Variants in CNOT1 observed in about 807,000 individuals in gnomAD.
CNOT1 encodes CCR4-associated factor 1.
In CNOT1, 15 loss-of-function variants were observed where a neutral mutation model predicts 273.8. That is an observed-to-expected ratio of 0.05 (90% CI 0.04 to 0.08). The LOEUF (loss-of-function observed/expected upper bound fraction) is 0.08, where lower values mean the gene tolerates loss of function less well. Among genes scored for constraint, CNOT1 ranks in the 10% least tolerant of loss-of-function variants. CNOT1 has a pLI of 1.00. For missense variants in CNOT1, 1,644 were observed against 2,912.2 expected, an observed-to-expected ratio of 0.56 and a Z score of 10.02; for synonymous variants, 1,022 against 1,005.5, an observed-to-expected ratio of 1.02 and a Z score of -0.31.
intron 22 of CNOT1, 31 bp downstream of exon 22, chr16:58,553,751 T>A: frequency 6.2e-7 from 1 of 1,601,750 alleles, no homozygotes; most frequent in Non-Finnish European, 8.5e-7. Flanking sequence ...ACTACATAGC[T>A]ATTTGGGTTT....
intron 1 of CNOT1, among the ~76,000 whole-genome samples, chr16:58,625,300 G>C (rs1363373028): frequency 7.2e-5 from 11 of 151,800 alleles, no homozygotes; most frequent in Non-Finnish European, 1.3e-4. Flanking sequence ...ATCACCTGAG[G>C]TCAGGAGTTC....
chr16:58,599,915 T>C (rs2042401763), intron 1 of CNOT1, among the ~76,000 whole-genome samples: 1 of 150,842 alleles, frequency 6.6e-6, no homozygotes, highest in Non-Finnish European at 1.5e-5. Context: ...ATACAAAAAT[T>C]AGCCAGGCAT....
chr16:58,547,340 CA>C lies in CNOT1; in HGVS notation c.3640-45del. Reference sequence around the variant, plus strand: ...TTTCAAAAGCGGGGAATATACCCCCCAAAATGGTATAACAAAACCAAAGAAA... The same window carrying C: ...TTTCAAAAGCGGGGAATATACCCCCCAAATGGTATAACAAAACCAAAGAAA... On this transcript the variant is annotated intron_variant, in intron 26 of 48. Coordinates refer to ENST00000317147, the MANE Select transcript of CNOT1 (RefSeq NM_016284.5). This position sits in a 1 kb window ranked among gnomAD's most constrained non-coding sequence, Gnocchi z 4.0. The C allele has an allele frequency of 6.2e-7, 1 of 1,602,260 alleles. No individual in the cohort carries two copies. Among genetic ancestry groups the C allele is most frequent in the Non-Finnish European group, 8.5e-7 (1 of 1,175,034 alleles).
intron 31 of CNOT1, 134 bp from the exon 32 acceptor site, chr16:58,542,702 C>T (rs1188669948): frequency 2.3e-6 from 3 of 1,333,286 alleles, no homozygotes; most frequent in South Asian, 1.5e-5. Context: ...TACTTATGAA[C>T]AAGCTGTGAT....
At position 58,566,971 on chromosome 16, in the gene CNOT1, G is replaced by A. The variant is rs565552874; in HGVS notation, c.1980-6609C>T. Among the ~76,000 whole-genome samples the A allele has an allele frequency of 3.3e-5, 5 of 152,070 alleles. No individual in the cohort carries two copies. In the East Asian group the frequency reaches 7.8e-4, roughly 24 times the overall value. ...CTACACTACTAGGTATTAGAGGCAC[G>A]TTTCTCTCTAATTATAACAGCCAAA... On this transcript the variant is annotated intron_variant, in intron 16 of 48. Coordinates refer to ENST00000317147, the MANE Select transcript of CNOT1 (RefSeq NM_016284.5).
intron 44 of CNOT1, among the ~76,000 whole-genome samples, chr16:58,527,103 T>G (rs1472520523): frequency 6.6e-6 from 1 of 152,122 alleles, no homozygotes; most frequent in Admixed American, 6.5e-5. Flanking sequence ...TCTCTCTCCT[T>G]TATTCCAACA....
chr16:58,623,334 G>GT (rs1238395557), intron 1 of CNOT1: 8 of 152,072 alleles, frequency 5.3e-5, no homozygotes, highest in African/African-American at 1.9e-4. Flanking sequence ...CCTTAGAATG[G>GT]TAAGTTTCTT....
chr16:58,594,955 A>C (rs2042199938), intron 2 of CNOT1, among the ~76,000 whole-genome samples: 1 of 152,002 alleles, frequency 6.6e-6, no homozygotes, highest in South Asian at 2.1e-4. Flanking sequence ...TCTACTAAAA[A>C]TACAAAAAAA....
chr16:58,528,460 T>G lies in CNOT1; in HGVS notation c.6453+15A>C. The G allele has an allele frequency of 6.3e-7, 1 of 1,594,242 alleles. No individual in the cohort carries two copies. The highest frequency in any genetic ancestry group is 8.6e-7 in the Non-Finnish European group (1 of 1,164,950). On this transcript the variant is annotated intron_variant, in intron 44 of 48. Coordinates refer to ENST00000317147, the MANE Select transcript of CNOT1 (RefSeq NM_016284.5). ...ATTAAGACATAAGTTTTCCTTTAAC[T>G]AGTTGGAACCTTACCTTTAGATTAG... is the stretch of plus-strand genomic sequence containing the variant.
chr16:58,570,430 A>G (rs1209733770), intron 16 of CNOT1, among the ~76,000 whole-genome samples: 1 of 152,202 alleles, frequency 6.6e-6, no homozygotes, highest in Non-Finnish European at 1.5e-5. Context: ...TTGAGCCCAG[A>G]GGTTCGACAC....
At chr16:58,529,931 T>C (rs375481559) in intron 43 of CNOT1, among the ~76,000 whole-genome samples, 1 of 141,770 alleles carries the variant, frequency 7.1e-6, no homozygotes, top group South Asian at 2.2e-4. Context: ...ACTGCCAAAA[T>C]GGTTAAAATG....
chr16:58,525,352 T>A lies in CNOT1; in HGVS notation c.6611A>T (p.Asn2204Ile). Residue 2204 changes from asparagine to isoleucine, a missense_variant, in exon 46 of 49, where the codon AAT becomes ATT. Physicochemically the swap from Asn to Ile is moderately radical, Grantham distance 149. Transcript: ENST00000317147. ...GAGGTTGTAGCGATTCCCAGGTTCA[T>A]TGGATACCTTAAAATGAGCAAAACA... ...SDLRSNLQVS[N>I]EPGNRYNLQL... 6.2e-7 allele frequency: 1 copy of A among 1,613,102 alleles called. No homozygotes were observed. The highest frequency in any genetic ancestry group is 8.5e-7 in the Non-Finnish European group (1 of 1,179,964).
At chr16:58,620,646 T>C (rs1302925373) in intron 1 of CNOT1, among the ~76,000 whole-genome samples, 1 of 102,682 alleles carries the variant, frequency 9.7e-6, no homozygotes, top group African/African-American at 4.3e-5. Flanking sequence ...GAAGACTCTG[T>C]CTCATTTAAA....
chr16:58,556,718 A>G, intron 19 of CNOT1, 129 bp downstream of exon 19: 1 of 1,401,920 alleles, frequency 7.1e-7, no homozygotes, highest in Non-Finnish European at 9.3e-7. Flanking sequence ...TTAATAATTC[A>G]AATTTGTGAA....
chr16:58,556,877 G>C lies in CNOT1; in HGVS notation c.2449C>G (p.Pro817Ala). The C allele has an allele frequency of 1.9e-6, 3 of 1,613,984 alleles. No individual in the cohort carries two copies. The highest frequency in any genetic ancestry group is 2.5e-6 in the Non-Finnish European group (3 of 1,179,964). Residue 817 changes from proline to alanine, a missense_variant, in exon 19 of 49, where the codon CCT becomes GCT. Transcript: ENST00000317147. ...TTCATCTTACTCTGCTGGAATGTAG[G>C]CTGATTCAGTCCAGAGGTGCCCAGT... ...RKLGTSGLNQ[P>A]TFQQSKMKPS...
At position 58,575,145 on chromosome 16, in the gene CNOT1, C is replaced by T. The variant is rs772552457; in HGVS notation, c.1705-16G>A. ...TTGACAAGGCCTAAAGGACAAAGCA[C>T]ATTAGATAATGCAAATGGAGCAATT... On this transcript the variant is annotated splice_polypyrimidine_tract_variant and intron_variant, in intron 14 of 48. Coordinates refer to ENST00000317147, the MANE Select transcript of CNOT1 (RefSeq NM_016284.5). 6.2e-7 allele frequency: 1 copy of T among 1,606,814 alleles called. No homozygotes were observed. The highest frequency in any genetic ancestry group is 2.2e-5 in the East Asian group (1 of 44,826).
rs1018002839 is a variant in CNOT1, at chr16:58,582,338, G to A, written c.1044+455C>T. The stretch of plus-strand genomic sequence containing the variant: ...AGTTCCATTCTAGGCCAGGTACAAT[G>A]GCTCACGCTTGTAATCCCAACGCTT... On this transcript the variant is annotated intron_variant, in intron 10 of 48. Transcript: ENST00000317147. Among the ~76,000 whole-genome samples the A allele has an allele frequency of 2.0e-5, 3 of 152,040 alleles. No individual in the cohort carries two copies. The South Asian group carries it at 6.2e-4, about 31-fold the overall frequency.
intron 25 of CNOT1, chr16:58,548,469 T>C (rs752385214): frequency 3.9e-6 from 2 of 508,624 alleles, no homozygotes; most frequent in South Asian, 1.4e-5. Flanking sequence ...CCAACCACCC[T>C]TGCTATCAGA....
intron 1 of CNOT1, among the ~76,000 whole-genome samples, chr16:58,602,832 C>CAT (rs1323485087): frequency 6.6e-6 from 1 of 152,074 alleles, no homozygotes; most frequent in Non-Finnish European, 1.5e-5. Context: ...AAACCTCTCT[C>CAT]ATAGTGTCCA....
Sources: gnomAD v4.1 joint callset for allele counts (sites outside exome capture counted in the v4.1 genomes callset) on GRCh38, gnomAD v4.1.1 for gene constraint, Gnocchi (gnomAD v3.1) non-coding constraint, MANE v1.5 for transcripts, NCBI Gene and HGNC (gene_info 2026-07-23, HGNC 2026-07-21) for gene names.